Variants in DIP2C observed in about 807,000 individuals in gnomAD.
The protein encoded by DIP2C is DIP2 acetate--CoA ligase C (putative).
DIP2C carries 33 observed loss-of-function variants against 192.4 expected under a neutral mutation model. The ratio of observed to expected loss-of-function variants is 0.17; its 90% CI spans 0.13 to 0.23. DIP2C has a LOEUF of 0.23. Among genes scored for constraint, DIP2C ranks in the 10% least tolerant of loss-of-function variants. DIP2C has a pLI of 1.00. For missense variants in DIP2C, 1,537 were observed against 2,110.1 expected, an observed-to-expected ratio of 0.73 and a Z score of 5.32; for synonymous variants, 979 against 864.1, an observed-to-expected ratio of 1.13 and a Z score of -2.33.
At chr10:313,866 CAG>C (rs1285505839) in intron 31 of DIP2C, among the ~76,000 whole-genome samples, 1 of 152,194 alleles carries the variant, frequency 6.6e-6, no homozygotes, top group African/African-American at 2.4e-5. Context: ...AAACACAAAA[CAG>C]CACTAATTTT....
rs377619596 is a variant in DIP2C at position 349,025 on chromosome 10, G to A, written c.3110-263C>T. On this transcript the variant is annotated intron_variant, in intron 25 of 36. Coordinates refer to ENST00000280886, the MANE Select transcript of DIP2C (RefSeq NM_014974.3). Reference sequence around the variant, plus strand: ...TAAGGAATTACCCACCTTTGTAACTGTGAATTTAGTCAAGATTTAGGTACT... The same window carrying A: ...TAAGGAATTACCCACCTTTGTAACTATGAATTTAGTCAAGATTTAGGTACT... Among the ~76,000 whole-genome samples the A allele has an allele frequency of 3.9e-5, 6 of 152,356 alleles. No individual in the cohort carries two copies. In the East Asian group the frequency reaches 1.2e-3, roughly 29 times the overall value.
At chr10:660,156 AAC>A (rs1408305659) in intron 1 of DIP2C, among the ~76,000 whole-genome samples, 1 of 152,204 alleles carries the variant, frequency 6.6e-6, no homozygotes, top group African/African-American at 2.4e-5. Context: ...CTGTGTATGA[AAC>A]AGAGATTCTA....
intron 4 of DIP2C, among the ~76,000 whole-genome samples, chr10:429,788 G>A (rs1175449403): frequency 6.6e-6 from 1 of 151,928 alleles, no homozygotes; most frequent in Non-Finnish European, 1.5e-5. Context: ...CACCTACTGA[G>A]GGGCATTTTG....
At chr10:549,105 C>T (rs955481059) in intron 1 of DIP2C, among the ~76,000 whole-genome samples, 8 of 152,124 alleles carry the variant, frequency 5.3e-5, no homozygotes, top group African/African-American at 1.9e-4. Context: ...AGAAAACAAG[C>T]AGCTCATCAA....
intron 1 of DIP2C, among the ~76,000 whole-genome samples, chr10:671,211 C>A (rs903963820): frequency 6.6e-6 from 1 of 152,246 alleles, no homozygotes; most frequent in East Asian, 1.9e-4. Flanking sequence ...CAGCACACAG[C>A]GATCAGTAAG....
At chr10:347,645 G>C (rs1274142539) in intron 26 of DIP2C, among the ~76,000 whole-genome samples, 1 of 127,364 alleles carries the variant, frequency 7.9e-6, no homozygotes, top group African/African-American at 3.2e-5. Context: ...ATCGCGCATA[G>C]TTCTCCCGGA....
intron 3 of DIP2C, among the ~76,000 whole-genome samples, chr10:451,419 AAAC>A (rs374079553): frequency 2.6e-4 from 40 of 152,288 alleles, no homozygotes; most frequent in African/African-American, 9.6e-4. Flanking sequence ...CTCGCAGTAA[AAAC>A]AAAACCACAA....
chr10:469,442 G>A (rs1034930979), intron 3 of DIP2C, among the ~76,000 whole-genome samples: 1 of 151,582 alleles, frequency 6.6e-6, no homozygotes, highest in African/African-American at 2.4e-5. Flanking sequence ...TCAGCCTCTG[G>A]AATAGCTGGG....
At position 323,391 on chromosome 10, in the gene DIP2C, TGCGGGGCTCCG is replaced by T; in HGVS notation, c.3924+3604_3924+3614del. 2.9e-5 allele frequency among the ~76,000 whole-genome samples: 3 copies of T among 102,702 alleles called. No homozygotes were observed. The Admixed American group carries it at 2.9e-4, about 10-fold the overall frequency. The allele number at this position is 102,702 out of a possible 152,430, so 67.4% of individuals were successfully genotyped here. On this transcript the variant is annotated intron_variant, in intron 31 of 36. Coordinates refer to ENST00000280886, the MANE Select transcript of DIP2C (RefSeq NM_014974.3). ...CGCTGTTAGAACAGTCAGTCGGGGG[TGCGGGGCTCCG>T]GCGAGAGACCGGCGCTGTTAGAACA...
At chr10:454,956 A>G (rs1969167549) in intron 3 of DIP2C, among the ~76,000 whole-genome samples, 1 of 152,190 alleles carries the variant, frequency 6.6e-6, no homozygotes, top group East Asian at 1.9e-4. Flanking sequence ...CATCTTTTGA[A>G]GTCATAAATC....
At chr10:379,200 CCCCCACA>C (rs1353908430) in intron 17 of DIP2C, among the ~76,000 whole-genome samples, 2 of 24,280 alleles carry the variant, frequency 8.2e-5, no homozygotes, top group Non-Finnish European at 1.8e-4. Flanking sequence ...CCCCCCCCCC[CCCCCACA>C]ACCCCTGACA....
intron 4 of DIP2C, among the ~76,000 whole-genome samples, chr10:440,050 G>A (rs1465929963): frequency 6.6e-6 from 1 of 152,178 alleles, no homozygotes; most frequent in African/African-American, 2.4e-5. Context: ...TTCAATCCAT[G>A]TTTCTAACAA....
At chr10:476,370 C>CA (rs1319633126) in intron 2 of DIP2C, among the ~76,000 whole-genome samples, 2 of 152,202 alleles carry the variant, frequency 1.3e-5, no homozygotes, top group Non-Finnish European at 2.9e-5. Context: ...TCCTGTCATT[C>CA]TGTGGGATCC....
intron 31 of DIP2C, chr10:324,647 CT>C (rs1446576475): frequency 9.3e-6 from 2 of 215,524 alleles, no homozygotes. Flanking sequence ...GATTAGAATA[CT>C]GAATTTTGAT....
chr10:343,991 T>C (rs111296757), intron 28 of DIP2C, among the ~76,000 whole-genome samples: 1 of 152,110 alleles, frequency 6.6e-6, no homozygotes, highest in African/African-American at 2.4e-5. Context: ...CAGCGGGGCC[T>C]TTGCGGGACT....
intron 1 of DIP2C, among the ~76,000 whole-genome samples, chr10:589,598 C>A (rs1851284154): frequency 6.6e-6 from 1 of 152,218 alleles, no homozygotes. Context: ...CCTGCTTTTG[C>A]ATCTTTGGGT....
At chr10:603,464 C>G (rs760835995) in intron 1 of DIP2C, among the ~76,000 whole-genome samples, 1 of 152,044 alleles carries the variant, frequency 6.6e-6, no homozygotes, top group Non-Finnish European at 1.5e-5. Flanking sequence ...AATCCTAACA[C>G]GTCATGTGTT....
At chr10:472,669 T>C (rs989262639) in intron 2 of DIP2C, 120 bp from the exon 3 acceptor site, 2 of 858,876 alleles carry the variant, frequency 2.3e-6, no homozygotes, top group African/African-American at 1.7e-5. Flanking sequence ...GGACTGGGCA[T>C]GGCGGCGCCT....
chr10:527,184 C>A (rs116862932), intron 1 of DIP2C, among the ~76,000 whole-genome samples: 1 of 152,230 alleles, frequency 6.6e-6, no homozygotes, highest in Non-Finnish European at 1.5e-5. Flanking sequence ...CCGTACCGTG[C>A]GAAGTGCGGC....
Sources: gnomAD v4.1 joint callset for allele counts (sites outside exome capture counted in the v4.1 genomes callset) on GRCh38, gnomAD v4.1.1 for gene constraint, MANE v1.5 for transcripts, NCBI Gene and HGNC (gene_info 2026-07-23, HGNC 2026-07-21) for gene names.